Variants in LDLRAP1 observed in about 807,000 individuals in gnomAD.
LDLRAP1 encodes the protein low density lipoprotein receptor adaptor protein 1, also known as low density lipoprotein receptor adapter protein 1.
Under a neutral mutation model 37.8 loss-of-function variants are expected in LDLRAP1, and 30 were observed. The ratio of observed to expected loss-of-function variants is 0.79; its 90% CI spans 0.59 to 1.08. The LOEUF is 1.08. LDLRAP1 is among the 50% of genes least tolerant of loss of function. The pLI is 0.00. For synonymous variants in LDLRAP1, 156 were observed against 169.8 expected, an observed-to-expected ratio of 0.92 and a Z score of 0.63; for missense variants, 375 against 401.6, an observed-to-expected ratio of 0.93 and a Z score of 0.57.
At chr1:25,582,948 T>TA in the LDLRAP1 span, among the ~76,000 whole-genome samples, 1 of 151,732 alleles carries the variant, frequency 6.6e-6, no homozygotes, top group Non-Finnish European at 1.5e-5. Flanking sequence ...GACGCAGGCC[T>TA]GTAGTCCCAG....
Position 25,553,752 on chromosome 1 carries a change from C to T in LDLRAP1, c.89-170C>T, listed in dbSNP as rs2044130893. The T allele has an allele frequency of 5.3e-5, 39 of 731,514 alleles. No homozygotes were observed. The East Asian group carries it at 1.1e-3, about 20-fold the overall frequency. 45.3% of individuals were successfully genotyped at this position (731,514 alleles called of 1,614,324 possible). A position where few individuals can be genotyped will look rare whatever the true frequency, so the allele number is the denominator to read the frequency against. ...CACCACTGCACTCCAGCCTGAGTGA[C>T]AGAGTGAAACTCAGTCTCAAAAAAA... On this transcript the variant is annotated intron_variant, in intron 1 of 8. Transcript: ENST00000374338.
chr1:25,551,349 T>C (rs927574623), intron 1 of LDLRAP1, among the ~76,000 whole-genome samples: 1 of 152,156 alleles, frequency 6.6e-6, no homozygotes, highest in Non-Finnish European at 1.5e-5. Context: ...TTTGCTAGAA[T>C]TAAGGTAGTT....
chr1:25,583,080 A>AG, the LDLRAP1 span, among the ~76,000 whole-genome samples: 1 of 151,948 alleles, frequency 6.6e-6, no homozygotes, highest in Non-Finnish European at 1.5e-5. Context: ...AAAAAAAAAA[A>AG]CAAAAATTCC....
the LDLRAP1 span, among the ~76,000 whole-genome samples, chr1:25,578,646 C>A: frequency 6.6e-6 from 1 of 152,088 alleles, no homozygotes; most frequent in East Asian, 1.9e-4. Flanking sequence ...TGTTGAATAG[C>A]TGGGACGACA....
intron 5 of LDLRAP1, 21 bp downstream of exon 5, chr1:25,562,737 TGTGGGTGTG>T: frequency 6.2e-7 from 1 of 1,609,774 alleles, no homozygotes; most frequent in Non-Finnish European, 8.5e-7. Context: ...GCATCTACAT[TGTGGGTGTG>T]GTGGGAGGTG....
chr1:25,547,885 G>A (rs1296010958), intron 1 of LDLRAP1, among the ~76,000 whole-genome samples: 1 of 152,254 alleles, frequency 6.6e-6, no homozygotes, highest in Non-Finnish European at 1.5e-5. Flanking sequence ...GGAACAGCAA[G>A]TGCAGGGAAT....
In LDLRAP1 at chr1:25,553,938, G is replaced by A; in HGVS notation, c.105G>A (p.Trp35Ter). The A allele has an allele frequency of 6.2e-7, 1 of 1,613,930 alleles. No homozygotes were observed. The part of the protein sequence containing the change: ...GGRHRKLPEN[W>*]TDTRETLLEG... Reference sequence around the variant, plus strand: ...CTACCCCAGAGCTGCCTGAGAACTGGACAGACACGCGGGAGACGCTGCTGG... The same window carrying A: ...CTACCCCAGAGCTGCCTGAGAACTGAACAGACACGCGGGAGACGCTGCTGG... Residue 35 changes from tryptophan (W) to a stop codon, truncating the protein, a stop_gained, in exon 2 of 9, where the codon TGG (tryptophan) becomes TGA (stop). Transcript: ENST00000374338. LOFTEE classifies it high-confidence loss of function.
Position 25,565,157 on chromosome 1 carries a change from C to T in LDLRAP1, c.748-16C>T, listed in dbSNP as rs377607618. ...CCCCAAACATAGTTCTTATCTCCTG[C>T]TTTGTTTTCCCCAAGGAGCTGGATG... is the stretch of plus-strand genomic sequence containing the variant. On this transcript the variant is annotated splice_polypyrimidine_tract_variant and intron_variant, in intron 7 of 8. Coordinates refer to ENST00000374338, the MANE Select transcript of LDLRAP1 (RefSeq NM_015627.3). The T allele has an allele frequency of 1.2e-6, 2 of 1,613,956 alleles. No individual in the cohort carries two copies. Among genetic ancestry groups the T allele is most frequent in the African/African-American group, 2.7e-5 (2 of 74,944 alleles).
At chr1:25,574,740 T>G in the LDLRAP1 span, among the ~76,000 whole-genome samples, 3 of 152,108 alleles carry the variant, frequency 2.0e-5, no homozygotes, top group Non-Finnish European at 4.4e-5. Context: ...TGAGTGAGCC[T>G]GTGTTGGCTC....
rs1222818920 is a variant in LDLRAP1 at position 25,555,934 on chromosome 1, G to A, written c.344+962G>A. Among the ~76,000 whole-genome samples the A allele has an allele frequency of 3.9e-5, 6 of 152,292 alleles. No individual in the cohort carries two copies. In the East Asian group the frequency reaches 7.7e-4, roughly 20 times the overall value. On this transcript the variant is annotated intron_variant, in intron 3 of 8. Transcript: ENST00000374338. This position sits in a 1 kb window ranked among gnomAD's most constrained non-coding sequence, Gnocchi z 4.7. ...GAGCATAGTGTTCCAAAAAGGCAAG[G>A]AGGAGATCTGCCTGGGGAAATCCCG... is the stretch of plus-strand genomic sequence containing the variant.
chr1:25,579,275 G>A, the LDLRAP1 span, among the ~76,000 whole-genome samples: 3 of 152,156 alleles, frequency 2.0e-5, no homozygotes, highest in South Asian at 2.1e-4. Flanking sequence ...AAAAGCACCT[G>A]CACACAGATC....
At chr1:25,547,491 A>AATAAATAG (rs1237625604) in intron 1 of LDLRAP1, among the ~76,000 whole-genome samples, 3 of 133,218 alleles carry the variant, frequency 2.3e-5, no homozygotes, top group African/African-American at 9.3e-5. Flanking sequence ...TCAAATAATA[A>AATAAATAG]ATAAATAAAT....
chr1:25,548,719 G>C (rs1304450152), intron 1 of LDLRAP1, among the ~76,000 whole-genome samples: 2 of 152,116 alleles, frequency 1.3e-5, no homozygotes, highest in Non-Finnish European at 2.9e-5. Flanking sequence ...TATTGCCCAG[G>C]CTGGAATGCA....
chr1:25,546,271 G>A (rs74637134), intron 1 of LDLRAP1, among the ~76,000 whole-genome samples: 2,211 of 152,226 alleles, frequency 0.015, 57 homozygotes, highest in African/African-American at 0.051. Flanking sequence ...AGTTAGACTC[G>A]AACCCTGCTC....
At chr1:25,557,108 A>T in intron 3 of LDLRAP1, 45 bp from the exon 4 acceptor site, 1 of 1,429,124 alleles carries the variant, frequency 7.0e-7, no homozygotes, top group South Asian at 1.1e-5. Flanking sequence ...ACATGTGCTC[A>T]GGCCCCTGTG....
chr1:25,552,802 T>TGGTCCATTTGCCCACCCAGTGA (rs1553171892), intron 1 of LDLRAP1, among the ~76,000 whole-genome samples: 1 of 152,204 alleles, frequency 6.6e-6, no homozygotes, highest in African/African-American at 2.4e-5. Context: ...GTGTCCCTCC[T>TGGTCCATTTGCCCACCCAGTGA]GGTCCATTTG....
rs1350569514 is a variant in LDLRAP1, at chr1:25,568,857, A to G, written c.*1865A>G. The G allele has an allele frequency of 6.6e-6, 1 of 152,224 alleles. No homozygotes were observed. The highest frequency in any genetic ancestry group is 1.5e-5 in the Non-Finnish European group (1 of 68,042). The allele number at this position is 152,224 out of a possible 1,614,324, so 9.4% of individuals were successfully genotyped here. On this transcript the variant is annotated 3_prime_UTR_variant, in exon 9 of 9. Coordinates refer to ENST00000374338, the MANE Select transcript of LDLRAP1 (RefSeq NM_015627.3). ...GTGAAACTTTAATGAGGAAAAAACA[A>G]ATAATAAATGTTCTCGTTTTGAAAC...
intron 4 of LDLRAP1, among the ~76,000 whole-genome samples, chr1:25,559,245 G>A (rs895830318): frequency 6.6e-6 from 1 of 152,104 alleles, no homozygotes; most frequent in African/African-American, 2.4e-5. Context: ...CGCTGACCAG[G>A]GCAGGCCCTG....
chr1:25,579,906 G>A, the LDLRAP1 span, among the ~76,000 whole-genome samples: 43 of 152,226 alleles, frequency 2.8e-4, no homozygotes, highest in African/African-American at 1.0e-3. Context: ...TTCCCCAAGG[G>A]TATGGAGCTC....
Sources: gnomAD v4.1 joint callset for allele counts (sites outside exome capture counted in the v4.1 genomes callset) on GRCh38, gnomAD v4.1.1 for gene constraint, Gnocchi (gnomAD v3.1) non-coding constraint, MANE v1.5 for transcripts, NCBI Gene and HGNC (gene_info 2026-07-23, HGNC 2026-07-21) for gene names.